The following FRMD5 variants were observed in gnomAD, a reference collection of about 807,000 sequenced individuals.
FRMD5 encodes the protein FERM domain containing 5.
FRMD5 carries 20 observed loss-of-function variants against 69.0 expected under a neutral mutation model. The ratio of observed to expected loss-of-function variants is 0.29; its 90% CI spans 0.20 to 0.42. The LOEUF (loss-of-function observed/expected upper bound fraction) is 0.42, where lower values mean the gene tolerates loss of function less well. Ranked by LOEUF, FRMD5 falls within the 10% of genes least tolerant of loss-of-function variation. The pLI, the probability that FRMD5 is intolerant of heterozygous loss-of-function variation, is 1.00. For synonymous variants in FRMD5, 271 were observed against 260.1 expected (o/e 1.04, Z -0.40); for missense variants, 595 against 708.6 (o/e 0.84, Z 1.82).
chr15:43,985,459 C>A (rs1019586212), intron 1 of FRMD5, among the ~76,000 whole-genome samples: 2 of 152,052 alleles, frequency 1.3e-5, no homozygotes, highest in African/African-American at 4.8e-5. Flanking sequence ...CAGATCTAAA[C>A]TTCTAGTAGT....
chr15:44,158,748 T>A (rs1193428299), intron 1 of FRMD5, among the ~76,000 whole-genome samples: 1 of 152,228 alleles, frequency 6.6e-6, no homozygotes, highest in African/African-American at 2.4e-5. Context: ...AATGCTAGCA[T>A]GTGATCAAGA....
chr15:43,892,885 T>C (rs897900081), intron 7 of FRMD5, among the ~76,000 whole-genome samples: 1 of 152,120 alleles, frequency 6.6e-6, no homozygotes, highest in Non-Finnish European at 1.5e-5. Context: ...AGGTGGATCA[T>C]CTGAGGTCAG....
At chr15:44,098,102 CAG>C (rs1467534461) in intron 1 of FRMD5, among the ~76,000 whole-genome samples, 2 of 53,296 alleles carry the variant, frequency 3.8e-5, no homozygotes, top group Admixed American at 4.2e-4. Context: ...CCCAAAAGTT[CAG>C]AGTGACAAAA....
At chr15:43,925,207 G>C (rs770002807) in intron 1 of FRMD5, among the ~76,000 whole-genome samples, 6 of 152,054 alleles carry the variant, frequency 3.9e-5, no homozygotes, top group Non-Finnish European at 8.8e-5. Context: ...GTTTCACCAT[G>C]TTGGTCAGGC....
At chr15:43,941,436 A>G (rs1205067309) in intron 1 of FRMD5, among the ~76,000 whole-genome samples, 1 of 152,156 alleles carries the variant, frequency 6.6e-6, no homozygotes, top group Non-Finnish European at 1.5e-5. Flanking sequence ...CATTTCTTTA[A>G]AGCAAGTTTT....
intron 1 of FRMD5, among the ~76,000 whole-genome samples, chr15:43,974,145 C>T (rs920496286): frequency 3.3e-5 from 5 of 151,662 alleles, no homozygotes; most frequent in African/African-American, 9.7e-5. Flanking sequence ...CAGTAGGGTG[C>T]TATGAAAGCA....
chr15:43,902,023 G>A (rs2089057488), intron 7 of FRMD5, 152 bp downstream of exon 7: 3 of 664,900 alleles, frequency 4.5e-6, no homozygotes, highest in African/African-American at 1.8e-5. Flanking sequence ...ATCCAGAGGA[G>A]TTTTCAAAGC....
chr15:44,004,015 C>A (rs1015331699), intron 1 of FRMD5, among the ~76,000 whole-genome samples: 1 of 152,156 alleles, frequency 6.6e-6, no homozygotes, highest in Non-Finnish European at 1.5e-5. Context: ...AGGAACCCAG[C>A]ATTATGAATT....
At chr15:44,196,827 C>T (rs2078310581), upstream of FRMD5, among the ~76,000 whole-genome samples, 4 of 149,162 alleles carry the variant, frequency 2.7e-5, no homozygotes, top group Admixed American at 2.7e-4. Context: ...GTAACCTGGA[C>T]TGCTCTTAAT....
intron 7 of FRMD5, 23 bp from the exon 8 acceptor site, chr15:43,892,092 A>T: frequency 3.7e-6 from 6 of 1,603,268 alleles, no homozygotes; most frequent in Non-Finnish European, 5.1e-6. Flanking sequence ...AAGACTTCTC[A>T]TCGGGTGATG....
In FRMD5 at chr15:43,947,734, G is replaced by A. The variant is rs549354461; in HGVS notation, c.103-23425C>T. Among the ~76,000 whole-genome samples, 13 of 152,290 alleles carry A rather than the reference G, an allele frequency of 8.5e-5. No individual in the cohort carries two copies. The South Asian group carries it at 2.7e-3, about 32-fold the overall frequency. On this transcript the variant is annotated intron_variant, in intron 1 of 13. Transcript: ENST00000417257. ...TATCAGACAGAGTGTGTAGAGGCCT[G>A]GGAAAGCTTTAGTTTTCATAAATTC...
At chr15:43,940,042 T>A (rs1348595299) in intron 1 of FRMD5, among the ~76,000 whole-genome samples, 1 of 152,132 alleles carries the variant, frequency 6.6e-6, no homozygotes, top group African/African-American at 2.4e-5. Context: ...CCAGGCTTGG[T>A]AGCGGGTGCC....
chr15:44,017,110 A>G (rs915496538), intron 1 of FRMD5, among the ~76,000 whole-genome samples: 2 of 152,116 alleles, frequency 1.3e-5, no homozygotes, highest in East Asian at 2.0e-4. Flanking sequence ...AGGCTGAGGC[A>G]GGCAGATCAC....
intron 1 of FRMD5, among the ~76,000 whole-genome samples, chr15:43,936,912 T>G (rs2089771172): frequency 6.6e-6 from 1 of 152,006 alleles, no homozygotes; most frequent in South Asian, 2.1e-4. Flanking sequence ...GGAAGATCGC[T>G]AACTGGGTCC....
intron 1 of FRMD5, among the ~76,000 whole-genome samples, chr15:44,152,564 G>A (rs544968414): frequency 6.6e-6 from 1 of 152,280 alleles, no homozygotes; most frequent in East Asian, 1.9e-4. Context: ...CAGTAAATGG[G>A]AAAAAGCTCC....
At chr15:43,881,279 G>T (rs142551453) in intron 13 of FRMD5, among the ~76,000 whole-genome samples, 7 of 152,256 alleles carry the variant, frequency 4.6e-5, no homozygotes, top group African/African-American at 1.7e-4. Flanking sequence ...GCCACAGAGG[G>T]GAGAAAGTTA....
At chr15:44,058,194 T>G (rs1892947410) in intron 1 of FRMD5, among the ~76,000 whole-genome samples, 1 of 152,058 alleles carries the variant, frequency 6.6e-6, no homozygotes, top group African/African-American at 2.4e-5. Flanking sequence ...ACAAGAATAT[T>G]TCAAAAAAAC....
intron 1 of FRMD5, among the ~76,000 whole-genome samples, chr15:43,968,038 T>TC (rs2090321799): frequency 6.8e-6 from 1 of 147,822 alleles, no homozygotes; most frequent in Non-Finnish European, 1.5e-5. Context: ...CACACTGATC[T>TC]GAAAAAAAAA....
rs34121302 is a variant in FRMD5, at chr15:44,017,614, C to CTT, written c.103-93307_103-93306dup. ...TAATAGCATTAATCCCCAAATATTT[C>CTT]TTTTTTTTTTTTTTTTGAGACTGGC... On this transcript the variant is annotated intron_variant, in intron 1 of 13. Coordinates refer to ENST00000417257, the MANE Select transcript of FRMD5 (RefSeq NM_032892.5). Among the ~76,000 whole-genome samples, 36 of 135,290 alleles carry CTT rather than the reference C, an allele frequency of 2.7e-4. 2 individuals are homozygous for CTT. The highest frequency in any genetic ancestry group is 1.2e-3 in the South Asian group (5 of 4,112). 88.8% of individuals were successfully genotyped at this position (135,290 alleles called of 152,430 possible).
Sources: allele counts gnomAD v4.1 joint callset (sites outside exome capture counted in the v4.1 genomes callset), GRCh38; gene constraint gnomAD v4.1.1; transcripts MANE v1.5; gene names NCBI Gene and HGNC (gene_info 2026-07-23, HGNC 2026-07-21).